PDE4D: variants seen among roughly 807,000 people sequenced by gnomAD.
PDE4D encodes the protein 3',5'-cyclic-AMP phosphodiesterase 4D.
In PDE4D, 24 loss-of-function variants were observed where a neutral mutation model predicts 87.4. The ratio of observed to expected loss-of-function variants is 0.27; its 90% CI spans 0.20 to 0.39. PDE4D has a LOEUF of 0.39. Among genes scored for constraint, PDE4D ranks in the 10% least tolerant of loss-of-function variants. PDE4D has a pLI of 1.00. For synonymous variants in PDE4D, 384 were observed against 383.2 expected (o/e 1.00, Z -0.02); for missense variants, 714 against 1,041.0 (o/e 0.69, Z 4.32).
At chr5:59,164,036 C>G (rs1781536400) in intron 5 of PDE4D, among the ~76,000 whole-genome samples, 1 of 152,176 alleles carries the variant, frequency 6.6e-6, no homozygotes, top group African/African-American at 2.4e-5. Flanking sequence ...CCTAAGGAAT[C>G]TGATTTGTGG....
At chr5:59,710,750 A>T (rs999154774) in intron 1 of PDE4D, among the ~76,000 whole-genome samples, 1 of 152,196 alleles carries the variant, frequency 6.6e-6, no homozygotes, top group African/African-American at 2.4e-5. Context: ...TTTCTCATCA[A>T]TATTTCTATT....
chr5:60,449,912 A>AAG (rs1554038007), intron 1 of PDE4D, among the ~76,000 whole-genome samples: 4 of 151,056 alleles, frequency 2.6e-5, no homozygotes, highest in African/African-American at 9.7e-5. Context: ...AGAAAAAAAA[A>AAG]GAAGTCATAT....
intron 2 of PDE4D, among the ~76,000 whole-genome samples, chr5:60,078,449 T>G (rs559391502): frequency 4.6e-5 from 7 of 152,310 alleles, no homozygotes; most frequent in Admixed American, 2.0e-4. Flanking sequence ...ACGGGATATA[T>G]GCTCAGAACA....
chr5:59,671,429 T>C (rs1747183569), intron 1 of PDE4D, among the ~76,000 whole-genome samples: 1 of 152,128 alleles, frequency 6.6e-6, no homozygotes. Flanking sequence ...AAGTATCATA[T>C]AGGAGTTAAT....
chr5:59,424,123 A>G (rs755404831), intron 1 of PDE4D, among the ~76,000 whole-genome samples: 2 of 152,140 alleles, frequency 1.3e-5, no homozygotes, highest in Non-Finnish European at 2.9e-5. Context: ...GGGCCATAAG[A>G]AAAAAGGACA....
chr5:59,602,889 T>A (rs1193927291), intron 1 of PDE4D, among the ~76,000 whole-genome samples: 3 of 151,982 alleles, frequency 2.0e-5, no homozygotes, highest in Admixed American at 1.3e-4. Flanking sequence ...CCCCTACATC[T>A]ACAGTGAACT....
At chr5:60,340,868 G>A (rs955241972) in intron 1 of PDE4D, among the ~76,000 whole-genome samples, 1 of 150,078 alleles carries the variant, frequency 6.7e-6, no homozygotes, top group African/African-American at 2.5e-5. Context: ...TTGTTCCTCT[G>A]TATGTAATAG....
chr5:59,183,339 GT>G (rs1166463948), intron 4 of PDE4D, among the ~76,000 whole-genome samples: 1 of 152,098 alleles, frequency 6.6e-6, no homozygotes, highest in Non-Finnish European at 1.5e-5. Flanking sequence ...ATGATTTTCT[GT>G]TTTCTTCTAG....
intron 1 of PDE4D, among the ~76,000 whole-genome samples, chr5:59,278,694 G>A (rs1561868873): frequency 6.6e-6 from 1 of 151,798 alleles, no homozygotes; most frequent in East Asian, 1.9e-4. Flanking sequence ...GAATATAAAA[G>A]GTAACTTTAT....
intron 3 of PDE4D, among the ~76,000 whole-genome samples, chr5:59,913,295 T>G (rs1365717758): frequency 6.6e-6 from 1 of 152,212 alleles, no homozygotes. Context: ...CTCTTTCAAG[T>G]CCTTTAGTAG....
intron 5 of PDE4D, among the ~76,000 whole-genome samples, chr5:59,179,909 C>T (rs925595559): frequency 2.6e-5 from 4 of 152,146 alleles, no homozygotes; most frequent in Admixed American, 6.5e-5. Flanking sequence ...TGAGATCATG[C>T]ATTCTGTTTT....
intron 1 of PDE4D, among the ~76,000 whole-genome samples, chr5:60,319,246 C>T (rs566279344): frequency 6.6e-6 from 1 of 152,192 alleles, no homozygotes; most frequent in African/African-American, 2.4e-5. Flanking sequence ...GATCTTCCAT[C>T]ACTGATACCC....
chr5:60,517,174 C>A (rs972172736), intron 1 of PDE4D, among the ~76,000 whole-genome samples: 5 of 152,198 alleles, frequency 3.3e-5, no homozygotes, highest in Non-Finnish European at 7.3e-5. Flanking sequence ...ACTGACACAC[C>A]AGCCCCCTGT....
intron 1 of PDE4D, among the ~76,000 whole-genome samples, chr5:59,425,968 AC>A (rs1393019731): frequency 6.6e-6 from 1 of 152,202 alleles, no homozygotes; most frequent in East Asian, 1.9e-4. Context: ...TGGAGATAGG[AC>A]CACTAAAGAG....
rs374760461 is a variant in PDE4D at position 60,051,611 on chromosome 5, C to T, written c.43-62894G>A. ...GAATGATCTAAAATCGACACCCTAA[C>T]GTCACAATTAAAAGAACTAAAGAAG... On this transcript the variant is annotated intron_variant, in intron 2 of 16. Coordinates refer to the PDE4D transcript ENST00000502484. 1.8e-3 allele frequency among the ~76,000 whole-genome samples: 276 copies of T among 152,164 alleles called. 2 individuals are homozygous for T. Among genetic ancestry groups the T allele is most frequent in the African/African-American group, 6.0e-3 (251 of 41,500 alleles).
intron 1 of PDE4D, among the ~76,000 whole-genome samples, chr5:60,251,759 TA>T (rs1355516664): frequency 4.0e-5 from 6 of 151,874 alleles, no homozygotes; most frequent in African/African-American, 1.4e-4. Flanking sequence ...GGCCGAATGG[TA>T]AAAAAGATAT....
intron 1 of PDE4D, among the ~76,000 whole-genome samples, chr5:59,716,939 T>A (rs973949179): frequency 2.0e-5 from 3 of 152,196 alleles, no homozygotes; most frequent in African/African-American, 7.2e-5. Context: ...TTGGACTTGT[T>A]TTTGCATCAG....
intron 1 of PDE4D, among the ~76,000 whole-genome samples, chr5:59,620,302 A>C (rs1011055226): frequency 2.0e-5 from 3 of 152,292 alleles, no homozygotes; most frequent in African/African-American, 2.4e-5. Flanking sequence ...AAAAATGGGG[A>C]GATCACACAG....
intron 1 of PDE4D, among the ~76,000 whole-genome samples, chr5:60,481,604 G>A (rs535026365): frequency 6.6e-6 from 1 of 152,270 alleles, no homozygotes; most frequent in South Asian, 2.1e-4. Flanking sequence ...GAACTATGGA[G>A]AATGAATGAA....
Sources: allele counts gnomAD v4.1 joint callset (sites outside exome capture counted in the v4.1 genomes callset), GRCh38; gene constraint gnomAD v4.1.1; transcripts MANE v1.5; gene names NCBI Gene and HGNC (gene_info 2026-07-23, HGNC 2026-07-21).